COPS3: variants seen among roughly 807,000 people sequenced by gnomAD.
The protein encoded by COPS3 is COP9 signalosome subunit 3, also known as COP9 signalosome complex subunit 3.
A neutral mutation model predicts 58.2 loss-of-function variants in COPS3; 10 were observed. The observed-to-expected ratio is 0.17, with a 90% CI of 0.11 to 0.29. The LOEUF (loss-of-function observed/expected upper bound fraction) is 0.29. COPS3 is among the 10% of genes least tolerant of loss of function. COPS3 has a pLI of 1.00. For synonymous variants in COPS3, 187 were observed against 181.7 expected (o/e 1.03, Z -0.24); for missense variants, 333 against 510.1 (o/e 0.65, Z 3.34).
chr17:17,280,743 G>T, intron 1 of COPS3: 3 of 1,239,542 alleles, frequency 2.4e-6, no homozygotes, highest in Non-Finnish European at 3.1e-6. Flanking sequence ...GCTGCGGATC[G>T]GCGGCAAAGA....
At position 17,246,943 on chromosome 17, in the gene COPS3, G is replaced by A. The variant is rs2047737454; in HGVS notation, c.*155C>T. On this transcript the variant is annotated 3_prime_UTR_variant, in exon 12 of 12. Coordinates refer to ENST00000268717, the MANE Select transcript of COPS3 (RefSeq NM_003653.4). The stretch of plus-strand genomic sequence containing the variant: ...GTTTCCTTTCTTTGCAGAGAAAATG[G>A]TTTTCTGAAAGCACACAGGACTGAA... 1 of 654,296 alleles carries A rather than the reference G, an allele frequency of 1.5e-6. No individual in the cohort carries two copies. Among genetic ancestry groups the A allele is most frequent in the African/African-American group, 1.8e-5 (1 of 55,416 alleles). The allele number at this position is 654,296 out of a possible 1,614,324, so 40.5% of individuals were successfully genotyped here.
At chr17:17,262,923 C>T (rs1046731747) in intron 6 of COPS3, among the ~76,000 whole-genome samples, 4 of 150,054 alleles carry the variant, frequency 2.7e-5, no homozygotes, top group Admixed American at 6.7e-5. Flanking sequence ...TTTTTGAGGA[C>T]GAGTCTCTGT....
intron 2 of COPS3, among the ~76,000 whole-genome samples, chr17:17,272,017 C>T (rs765671605): frequency 5.3e-4 from 80 of 151,410 alleles, no homozygotes; most frequent in Admixed American, 7.9e-4. Flanking sequence ...CATGGTGGCT[C>T]AAGCCTGTAA....
intron 9 of COPS3, among the ~76,000 whole-genome samples, chr17:17,251,926 A>G (rs111979918): frequency 0.026 from 3,921 of 152,114 alleles, 181 homozygotes; most frequent in African/African-American, 0.089. Context: ...AAAATTAGCC[A>G]GGCGTAGTGG....
intron 8 of COPS3, among the ~76,000 whole-genome samples, chr17:17,257,842 C>G (rs2048012827): frequency 2.0e-5 from 3 of 151,290 alleles, no homozygotes; most frequent in Non-Finnish European, 4.4e-5. Flanking sequence ...AAAACATCTA[C>G]TAAAATGTTA....
intron 2 of COPS3, among the ~76,000 whole-genome samples, chr17:17,274,422 T>A (rs1233540593): frequency 3.2e-5 from 3 of 93,120 alleles, no homozygotes; most frequent in South Asian, 7.6e-4. Context: ...TATGATTAGC[T>A]TTTCTTTTTT....
chr17:17,260,802 CAA>C (rs374998521), intron 7 of COPS3: 20 of 89,812 alleles, frequency 2.2e-4, no homozygotes, highest in Non-Finnish European at 4.2e-4. Context: ...AACTCCGTCT[CAA>C]AAAAAAAAAA....
At chr17:17,271,932 A>T (rs1020050023) in intron 2 of COPS3, among the ~76,000 whole-genome samples, 14 of 146,706 alleles carry the variant, frequency 9.5e-5, no homozygotes, top group African/African-American at 2.5e-4. Context: ...TATATGTTTT[A>T]TATATATATA....
chr17:17,272,432 ACT>A (rs1158440041), intron 2 of COPS3, among the ~76,000 whole-genome samples: 1 of 151,886 alleles, frequency 6.6e-6, no homozygotes, highest in Non-Finnish European at 1.5e-5. Flanking sequence ...AAAAAAAAAA[ACT>A]CCTTTATGTT....
chr17:17,272,417 G>A (rs1265026007), intron 2 of COPS3, among the ~76,000 whole-genome samples: 6 of 150,572 alleles, frequency 4.0e-5, no homozygotes, highest in African/African-American at 9.8e-5. Context: ...AGTGAGACTC[G>A]TCTCAAAAAA....
chr17:17,246,956 A>G lies in COPS3; in HGVS notation c.*142T>C, dbSNP rs561210255. On this transcript the variant is annotated 3_prime_UTR_variant, in exon 12 of 12. Coordinates refer to ENST00000268717, the MANE Select transcript of COPS3 (RefSeq NM_003653.4). ...GCAGAGAAAATGGTTTTCTGAAAGCACACAGGACTGAAGATGTCAAAACAA... is the reference window on the plus strand; with the variant it reads ...GCAGAGAAAATGGTTTTCTGAAAGCGCACAGGACTGAAGATGTCAAAACAA... The G allele has an allele frequency of 8.2e-5, 60 of 729,122 alleles. No homozygotes were observed. In the African/African-American group the frequency reaches 1.0e-3, roughly 12 times the overall value. 45.2% of individuals were successfully genotyped at this position (729,122 alleles called of 1,614,324 possible). A position where few individuals can be genotyped will look rare whatever the true frequency, so the allele number is the denominator to read the frequency against.
chr17:17,256,307 G>A (rs1471913320), intron 8 of COPS3, among the ~76,000 whole-genome samples: 1 of 151,998 alleles, frequency 6.6e-6, no homozygotes, highest in East Asian at 1.9e-4. Flanking sequence ...TCATTATGAA[G>A]ATTTTCATCT....
intron 7 of COPS3, 60 bp downstream of exon 7, chr17:17,261,906 C>A (rs909873859): frequency 2.8e-6 from 4 of 1,438,870 alleles, no homozygotes; most frequent in African/African-American, 1.4e-5. Context: ...TGTATCATTG[C>A]AATTTCTTTA....
At chr17:17,254,607 T>C (rs1020429136) in intron 9 of COPS3, among the ~76,000 whole-genome samples, 234 of 151,800 alleles carry the variant, frequency 1.5e-3, no homozygotes, top group African/African-American at 5.5e-3. Context: ...GTCAGGAGTT[T>C]GAGACCAGCC....
At chr17:17,256,001 C>G (rs886800608) in intron 8 of COPS3, among the ~76,000 whole-genome samples, 7 of 146,500 alleles carry the variant, frequency 4.8e-5, no homozygotes, top group African/African-American at 1.8e-4. Flanking sequence ...AACCCTGTCT[C>G]TACTAAAAAT....
chr17:17,260,767 C>A, intron 7 of COPS3: 1 of 175,672 alleles, frequency 5.7e-6, no homozygotes, highest in Non-Finnish European at 1.2e-5. Context: ...CGTGCCACTG[C>A]ACTCCAGCCT....
chr17:17,267,707 A>C (rs1279146957), intron 5 of COPS3, among the ~76,000 whole-genome samples, 178 bp downstream of exon 5: 1 of 151,814 alleles, frequency 6.6e-6, no homozygotes, highest in Non-Finnish European at 1.5e-5. Context: ...GTTGAGCCCC[A>C]TCCTACAGTT....
At chr17:17,248,076 T>C (rs1209071043) in intron 10 of COPS3, among the ~76,000 whole-genome samples, 1 of 152,006 alleles carries the variant, frequency 6.6e-6, no homozygotes, top group Non-Finnish European at 1.5e-5. Flanking sequence ...AGGGAGGGCT[T>C]TGCTCTTCTC....
chr17:17,254,918 T>C lies in COPS3; in HGVS notation c.964A>G (p.Met322Val), dbSNP rs1008182452. 10 of 1,611,762 alleles carry C rather than the reference T, an allele frequency of 6.2e-6. No homozygotes were observed. The highest frequency in any genetic ancestry group is 8.5e-6 in the Non-Finnish European group (10 of 1,178,698). ...KTFLTLSLQD[M>V]ASRVQLSGPQ... ...CCAGACAACTGCACACGACTTGCCA[T>C]ATCTTGTAATGATAGAGTTAAAAAG... Residue 322 changes from methionine (M) to valine (V), a missense_variant, in exon 9 of 12, where the codon ATG becomes GTG. Transcript: ENST00000268717.
Sources: allele counts gnomAD v4.1 joint callset (sites outside exome capture counted in the v4.1 genomes callset), GRCh38; gene constraint gnomAD v4.1.1; transcripts MANE v1.5; gene names NCBI Gene and HGNC (gene_info 2026-07-23, HGNC 2026-07-21).